The following DENND2B variants were observed in gnomAD, a reference collection of about 807,000 sequenced individuals.
DENND2B encodes DENN domain containing 2B, also known as DENN domain-containing protein 2B.
In DENND2B, 32 loss-of-function variants were observed where a neutral mutation model predicts 116.0. The observed-to-expected ratio is 0.28, with a 90% CI of 0.21 to 0.37. The LOEUF (loss-of-function observed/expected upper bound fraction) is 0.37, where lower values mean the gene tolerates loss of function less well. DENND2B is among the 10% of genes least tolerant of loss of function. The pLI is 1.00. For missense variants in DENND2B, 1,276 were observed against 1,477.7 expected (o/e 0.86, Z 2.24); for synonymous variants, 588 against 583.9 (o/e 1.01, Z -0.10).
intron 3 of DENND2B, among the ~76,000 whole-genome samples, chr11:8,845,784 G>C (rs2134630608): frequency 6.6e-6 from 1 of 152,266 alleles, no homozygotes; most frequent in South Asian, 2.1e-4. Flanking sequence ...TAGCTTATCT[G>C]CCTCTCCCAC....
At chr11:8,830,740 C>G (rs1198448561) in intron 4 of DENND2B, 1 of 152,158 alleles carries the variant, frequency 6.6e-6, no homozygotes, top group Non-Finnish European at 1.5e-5. Context: ...GGAAAGAGCC[C>G]CCATCACAGG....
At chr11:8,898,538 G>A (rs1209326398) in intron 1 of DENND2B, among the ~76,000 whole-genome samples, 4 of 152,150 alleles carry the variant, frequency 2.6e-5, no homozygotes, top group Non-Finnish European at 5.9e-5. Flanking sequence ...TCCTTAGGTA[G>A]GGATGGAAAT....
chr11:8,791,505 C>T (rs1014681045), intron 1 of DENND2B, among the ~76,000 whole-genome samples: 1 of 152,084 alleles, frequency 6.6e-6, no homozygotes, highest in Admixed American at 6.5e-5. Context: ...GTGGCTCACA[C>T]CTTGTAATCC....
intron 2 of DENND2B, among the ~76,000 whole-genome samples, chr11:8,747,726 A>G (rs56388022): frequency 0.019 from 2,842 of 152,292 alleles, 88 homozygotes; most frequent in African/African-American, 0.065. Flanking sequence ...AAGACAAGGA[A>G]ACCTGCTCCA....
In DENND2B at chr11:8,712,758, G is replaced by T; in HGVS notation, c.1988-23C>A. The T allele has an allele frequency of 6.3e-7, 1 of 1,598,700 alleles. No individual in the cohort carries two copies. ...GGGCTGGAGGCAGGTTGCACATCAG[G>T]GAATGGACCCTCACAGGCCTCATGT... On this transcript the variant is annotated intron_variant, in intron 8 of 19. Transcript: ENST00000313726. The surrounding 1 kb of genome is among the most constrained non-coding windows in gnomAD (Gnocchi z 4.4).
At chr11:8,811,607 C>A (rs1322602859), upstream of DENND2B, 2 of 352,794 alleles carry the variant, frequency 5.7e-6, no homozygotes, top group Non-Finnish European at 1.0e-5. Flanking sequence ...CCTCTCCCCC[C>A]TACCCAGCAT....
intron 1 of DENND2B, chr11:8,807,803 C>T (rs538252242): frequency 1.3e-5 from 2 of 152,310 alleles, no homozygotes; most frequent in Admixed American, 1.3e-4. Flanking sequence ...TGACATGACT[C>T]AACTAGAAGG....
chr11:8,802,299 G>GAAAAA (rs35492912), intron 1 of DENND2B, among the ~76,000 whole-genome samples: 2 of 144,542 alleles, frequency 1.4e-5, no homozygotes, highest in South Asian at 4.3e-4. Flanking sequence ...ACTCTGTCTG[G>GAAAAA]AAAAAAAAAA....
chr11:8,865,118 TATC>T (rs2063530154), intron 2 of DENND2B, among the ~76,000 whole-genome samples: 1 of 114,928 alleles, frequency 8.7e-6, no homozygotes, highest in Non-Finnish European at 2.0e-5. Flanking sequence ...AGATTATTTC[TATC>T]ATATTTGCAT....
At position 8,731,030 on chromosome 11, in the gene DENND2B, G is replaced by A. The variant is rs917158469; in HGVS notation, c.260C>T (p.Thr87Ile). ...PQNPQDPSPD[T>I]SPPTCPFKTA... ...CTTGAAGGGACAGGTGGGTGGGGAA[G>A]TATCTGGGGAGGGATCTTGAGGATT... is the stretch of plus-strand genomic sequence containing the variant. Residue 87 changes from threonine to isoleucine, a missense_variant, in exon 3 of 20, where the codon ACT becomes ATT. By Grantham distance (89) the Thr-to-Ile change is moderately conservative (BLOSUM62 -1). Transcript: ENST00000313726. The A allele has an allele frequency of 6.2e-7, 1 of 1,614,044 alleles. No homozygotes were observed. The highest frequency in any genetic ancestry group is 8.5e-7 in the Non-Finnish European group (1 of 1,180,040).
At chr11:8,742,729 T>C (rs959806310) in intron 2 of DENND2B, among the ~76,000 whole-genome samples, 1 of 152,228 alleles carries the variant, frequency 6.6e-6, no homozygotes, top group Non-Finnish European at 1.5e-5. Context: ...TCACTTCCAG[T>C]ACCTCTAGGC....
chr11:8,751,237 C>G (rs1392316848), intron 1 of DENND2B, among the ~76,000 whole-genome samples: 1 of 151,850 alleles, frequency 6.6e-6, no homozygotes, highest in Non-Finnish European at 1.5e-5. Context: ...AGGTGGAGAA[C>G]TTTTCTGTCT....
intron 14 of DENND2B, among the ~76,000 whole-genome samples, chr11:8,700,341 G>A (rs916300002): frequency 6.6e-6 from 1 of 152,204 alleles, no homozygotes; most frequent in African/African-American, 2.4e-5. Context: ...CTAGAAGTGT[G>A]AGACACAGAA....
intron 3 of DENND2B, among the ~76,000 whole-genome samples, chr11:8,841,991 G>A (rs534069911): frequency 3.3e-5 from 5 of 152,230 alleles, no homozygotes; most frequent in East Asian, 3.9e-4. Context: ...AGCACAAGGC[G>A]GCATCACAAA....
At chr11:8,867,327 C>CATGAACA (rs1171369532) in intron 2 of DENND2B, among the ~76,000 whole-genome samples, 10 of 152,130 alleles carry the variant, frequency 6.6e-5, no homozygotes, top group African/African-American at 2.4e-4. Context: ...GCTCCATAAG[C>CATGAACA]TGTATACATG....
rs542526137 is a variant in DENND2B, at chr11:8,867,685, C to T, written c.-250+3269G>A. On this transcript the variant is annotated intron_variant, in intron 2 of 6. Transcript: ENST00000524757. Reference sequence around the variant, plus strand: ...CCTCAACCTCCTGGGCTCAAGTGATCGATCCTCCCACCTTAGCCTCCTGAA... The same window carrying T: ...CCTCAACCTCCTGGGCTCAAGTGATTGATCCTCCCACCTTAGCCTCCTGAA... Among the ~76,000 whole-genome samples the T allele has an allele frequency of 2.8e-5, 4 of 143,026 alleles. No individual in the cohort carries two copies. In the East Asian group the frequency reaches 8.7e-4, roughly 31 times the overall value. The allele number at this position is 143,026 out of a possible 152,430, so 93.8% of individuals were successfully genotyped here.
At chr11:8,732,123 G>T (rs1199119934) in intron 2 of DENND2B, among the ~76,000 whole-genome samples, 1 of 152,170 alleles carries the variant, frequency 6.6e-6, no homozygotes, top group East Asian at 1.9e-4. Context: ...ATGGGGTGGG[G>T]AGGCCAACTC....
rs2040249566 is a variant in DENND2B, at chr11:8,695,789, C to G, written c.3293-240G>C. ...TCCCCATGCACATTCCCAAGCTGCA[C>G]TAGGTGAGGAGGCTGCTTCTCAGTT... On this transcript the variant is annotated intron_variant, in intron 18 of 19. Transcript: ENST00000313726. 1.1e-4 allele frequency: 60 copies of G among 547,718 alleles called. 3 individuals are homozygous for G. In the South Asian group the frequency reaches 1.2e-3, roughly 11 times the overall value. The allele number at this position is 547,718 out of a possible 1,614,324, so 33.9% of individuals were successfully genotyped here.
chr11:8,863,586 T>C (rs2063481245), intron 2 of DENND2B, among the ~76,000 whole-genome samples: 1 of 152,102 alleles, frequency 6.6e-6, no homozygotes. Flanking sequence ...GCTATTCTAA[T>C]TCAAAAGAGT....
Sources: gnomAD v4.1 joint callset for allele counts (sites outside exome capture counted in the v4.1 genomes callset) on GRCh38, gnomAD v4.1.1 for gene constraint, Gnocchi (gnomAD v3.1) non-coding constraint, MANE v1.5 for transcripts, NCBI Gene and HGNC (gene_info 2026-07-23, HGNC 2026-07-21) for gene names.